CSMD1: variants seen among roughly 807,000 people sequenced by gnomAD.
CSMD1 encodes the protein CUB and sushi domain-containing protein 1.
In CSMD1, 213 loss-of-function variants were observed where a neutral mutation model predicts 417.5. That is an observed-to-expected ratio of 0.51 (90% CI 0.46 to 0.57). CSMD1 has a LOEUF of 0.57. CSMD1 is among the 20% of genes least tolerant of loss of function. CSMD1 has a pLI of 0.00. For missense variants in CSMD1, 6,923 were observed against 4,529.7 expected, an observed-to-expected ratio of 1.53 and a Z score of -15.17; for synonymous variants, 2,862 against 1,736.8, an observed-to-expected ratio of 1.65 and a Z score of -16.11.
chr8:4,042,692 T>A (rs1286198939), intron 3 of CSMD1, among the ~76,000 whole-genome samples: 2 of 151,324 alleles, frequency 1.3e-5, no homozygotes, highest in Admixed American at 6.6e-5. Context: ...TAATATATAT[T>A]TTAGGTTTCT....
chr8:3,034,675 A>G (rs776418933), intron 50 of CSMD1, among the ~76,000 whole-genome samples: 1 of 152,208 alleles, frequency 6.6e-6, no homozygotes, highest in Non-Finnish European at 1.5e-5. Flanking sequence ...GAAGACTAGG[A>G]TGCTTCTGTT....
chr8:3,587,654 A>T (rs1800664583), intron 8 of CSMD1, among the ~76,000 whole-genome samples: 2 of 152,186 alleles, frequency 1.3e-5, no homozygotes, highest in African/African-American at 4.8e-5. Flanking sequence ...GATGTCGGCA[A>T]CAGCCATCAA....
intron 5 of CSMD1, among the ~76,000 whole-genome samples, chr8:3,803,613 T>C (rs1800575499): frequency 6.6e-6 from 1 of 152,120 alleles, no homozygotes; most frequent in Admixed American, 6.5e-5. Flanking sequence ...GTGTCTGCAG[T>C]GGACTCAGAA....
chr8:3,371,330 C>T (rs1433575189), intron 18 of CSMD1, among the ~76,000 whole-genome samples: 2 of 152,162 alleles, frequency 1.3e-5, no homozygotes, highest in East Asian at 3.9e-4. Context: ...CATGGCCTCA[C>T]ATGTAAAATG....
chr8:3,910,746 G>A (rs1447305330), intron 5 of CSMD1, among the ~76,000 whole-genome samples: 1 of 152,168 alleles, frequency 6.6e-6, no homozygotes, highest in African/African-American at 2.4e-5. Flanking sequence ...CGAATTCGGT[G>A]CTTCTTTAGA....
chr8:3,857,183 A>G (rs1804370757), intron 5 of CSMD1, among the ~76,000 whole-genome samples: 1 of 152,180 alleles, frequency 6.6e-6, no homozygotes, highest in South Asian at 2.1e-4. Flanking sequence ...GGGCTTCATG[A>G]AAAAAGTGCC....
At chr8:3,905,352 T>C (rs1283974189) in intron 5 of CSMD1, among the ~76,000 whole-genome samples, 1 of 152,198 alleles carries the variant, frequency 6.6e-6, no homozygotes, top group African/African-American at 2.4e-5. Flanking sequence ...AAGTTGATCA[T>C]CTAAAAAAAG....
intron 1 of CSMD1, among the ~76,000 whole-genome samples, chr8:4,872,870 T>C (rs1802814825): frequency 6.6e-6 from 1 of 152,130 alleles, no homozygotes; most frequent in Non-Finnish European, 1.5e-5. Context: ...TGGCTCATAC[T>C]GGAGTAGTAC....
chr8:3,369,107 C>T lies in CSMD1; in HGVS notation c.2899+147G>A, dbSNP rs562536298. 1.9e-5 allele frequency: 10 copies of T among 532,492 alleles called. No individual in the cohort carries two copies. The East Asian group carries it at 3.0e-4, about 16-fold the overall frequency. 33.0% of individuals were successfully genotyped at this position (532,492 alleles called of 1,614,324 possible). A position where few individuals can be genotyped will look rare whatever the true frequency, so the allele number is the denominator to read the frequency against. On this transcript the variant is annotated intron_variant, in intron 19 of 69. Transcript: ENST00000635120. ...TGAAAGACTATTGTTCTTCCAAAATCTTATTAAATAATAAGTTAAAATCTT... is the reference window on the plus strand; with the variant it reads ...TGAAAGACTATTGTTCTTCCAAAATTTTATTAAATAATAAGTTAAAATCTT...
Position 4,532,574 on chromosome 8 carries a change from A to G in CSMD1, c.302+104768T>C, listed in dbSNP as rs1478292788. ...AGTCACTCTGGAAGAGAAATCCTGC[A>G]CCCCCATTCAGTCACTCTGGAAGAG... On this transcript the variant is annotated intron_variant, in intron 2 of 69. Coordinates refer to ENST00000635120, the MANE Select transcript of CSMD1 (RefSeq NM_033225.6). Among the ~76,000 whole-genome samples, 13 of 131,690 alleles carry G rather than the reference A, an allele frequency of 9.9e-5. No homozygotes were observed. The South Asian group carries it at 3.4e-3, about 34-fold the overall frequency. The allele number at this position is 131,690 out of a possible 152,430, so 86.4% of individuals were successfully genotyped here.
intron 4 of CSMD1, among the ~76,000 whole-genome samples, chr8:3,999,773 C>A (rs754354624): frequency 6.6e-6 from 1 of 152,104 alleles, no homozygotes; most frequent in Non-Finnish European, 1.5e-5. Flanking sequence ...TTACTACCTT[C>A]AAGTATGAAC....
At chr8:3,973,147 G>C (rs149395604) in intron 5 of CSMD1, among the ~76,000 whole-genome samples, 2 of 152,172 alleles carry the variant, frequency 1.3e-5, no homozygotes, top group African/African-American at 4.8e-5. Flanking sequence ...AAATTCTAAC[G>C]AATCCATGTT....
chr8:4,591,639 G>A (rs904465384), intron 2 of CSMD1, among the ~76,000 whole-genome samples: 2 of 152,198 alleles, frequency 1.3e-5, no homozygotes, highest in Non-Finnish European at 2.9e-5. Flanking sequence ...ACTGTCAGCA[G>A]GAGAGGGCAT....
chr8:3,790,693 T>G (rs1038122265), intron 5 of CSMD1, among the ~76,000 whole-genome samples: 3 of 152,204 alleles, frequency 2.0e-5, no homozygotes, highest in Non-Finnish European at 4.4e-5. Context: ...TTTATCTTTT[T>G]GATATCTAGA....
intron 5 of CSMD1, among the ~76,000 whole-genome samples, chr8:3,801,303 T>G (rs1026703398): frequency 2.6e-5 from 4 of 152,050 alleles, no homozygotes; most frequent in African/African-American, 9.7e-5. Flanking sequence ...GGAAAAAGAT[T>G]TAAATAGACA....
rs1403309108 is a variant in CSMD1, at chr8:3,307,832, C to T, written c.3824-11G>A. 5.6e-6 allele frequency: 9 copies of T among 1,607,246 alleles called. No individual in the cohort carries two copies. The highest frequency in any genetic ancestry group is 7.6e-6 in the Non-Finnish European group (9 of 1,177,870). ...GACCACCACATTCCGCTGTAGAAGA[C>T]ACAGAGAGATGGGAACGTTCAGCTT... On this transcript the variant is annotated splice_polypyrimidine_tract_variant and intron_variant, in intron 24 of 69. Transcript: ENST00000635120.
chr8:4,403,223 G>C (rs989867565), intron 3 of CSMD1, among the ~76,000 whole-genome samples: 2 of 152,082 alleles, frequency 1.3e-5, no homozygotes, highest in Non-Finnish European at 2.9e-5. Context: ...TTTTCCTTAT[G>C]AGAATATAAA....
At chr8:3,606,481 C>T (rs374072792) in intron 8 of CSMD1, among the ~76,000 whole-genome samples, 12 of 144,998 alleles carry the variant, frequency 8.3e-5, no homozygotes, top group East Asian at 2.0e-4. Context: ...GTATGAAAGA[C>T]GGAAGATGTC....
At chr8:3,778,351 A>C (rs1303594855) in intron 5 of CSMD1, among the ~76,000 whole-genome samples, 1 of 152,226 alleles carries the variant, frequency 6.6e-6, no homozygotes, top group Non-Finnish European at 1.5e-5. Flanking sequence ...TGTAATCACC[A>C]GCTGTCTGGA....
Sources: allele counts gnomAD v4.1 joint callset (sites outside exome capture counted in the v4.1 genomes callset), GRCh38; gene constraint gnomAD v4.1.1; transcripts MANE v1.5; gene names NCBI Gene and HGNC (gene_info 2026-07-23, HGNC 2026-07-21).